The following PARD6G variants were observed in gnomAD, a reference collection of about 807,000 sequenced individuals.
PARD6G encodes the protein partitioning defective 6 homolog gamma.
A neutral mutation model predicts 10.7 loss-of-function variants in PARD6G; 7 were observed. The observed-to-expected ratio is 0.66, with a 90% CI of 0.37 to 1.23. PARD6G has a LOEUF of 1.23. Ranked by LOEUF, PARD6G falls within the 50% of genes most tolerant of loss-of-function variation. PARD6G has a pLI of 0.02. For missense variants in PARD6G, 548 were observed against 571.8 expected, an observed-to-expected ratio of 0.96 and a Z score of 0.42; for synonymous variants, 287 against 269.4, an observed-to-expected ratio of 1.07 and a Z score of -0.64.
At chr18:80,199,400 G>A (rs1308547178) in intron 2 of PARD6G, among the ~76,000 whole-genome samples, 5 of 152,156 alleles carry the variant, frequency 3.3e-5, no homozygotes, top group African/African-American at 2.4e-5. Flanking sequence ...AGACACACAC[G>A]CACATGCGCA....
intron 1 of PARD6G, among the ~76,000 whole-genome samples, chr18:80,211,858 T>A (rs1967112020): frequency 6.6e-6 from 1 of 152,092 alleles, no homozygotes; most frequent in East Asian, 1.9e-4. Context: ...TACTCGAAAT[T>A]TTATCACAGA....
At position 80,201,213 on chromosome 18, in the gene PARD6G, C is replaced by T. The variant is rs753905416; in HGVS notation, c.295+1497G>A. ...AGAGGGGAACACGGGCTCATCAGATCAAGCAGCTGAGACCAGGCCTTCCTG... is the reference window on the plus strand; with the variant it reads ...AGAGGGGAACACGGGCTCATCAGATTAAGCAGCTGAGACCAGGCCTTCCTG... On this transcript the variant is annotated intron_variant, in intron 2 of 2. Coordinates refer to ENST00000353265, the MANE Select transcript of PARD6G (RefSeq NM_032510.4). This position sits in a 1 kb window ranked among gnomAD's most constrained non-coding sequence, Gnocchi z 5.9. Among the ~76,000 whole-genome samples, 60 of 152,290 alleles carry T rather than the reference C, an allele frequency of 3.9e-4. No homozygotes were observed. The highest frequency in any genetic ancestry group is 6.6e-4 in the Non-Finnish European group (45 of 68,024).
Position 80,192,090 on chromosome 18 carries a change from C to T in PARD6G, c.295+10620G>A, listed in dbSNP as rs1221405506. Among the ~76,000 whole-genome samples, 2 of 152,208 alleles carry T rather than the reference C, an allele frequency of 1.3e-5. No homozygotes were observed. The highest frequency in any genetic ancestry group is 2.9e-5 in the Non-Finnish European group (2 of 68,042). ...TGTACAAGAAGGTCAGCGTTAACCACAAGAAGTTTCCATTTGATCATTAAG... is the reference window on the plus strand; with the variant it reads ...TGTACAAGAAGGTCAGCGTTAACCATAAGAAGTTTCCATTTGATCATTAAG... On this transcript the variant is annotated intron_variant, in intron 2 of 2. Coordinates refer to ENST00000353265, the MANE Select transcript of PARD6G (RefSeq NM_032510.4). This position sits in a 1 kb window ranked among gnomAD's most constrained non-coding sequence, Gnocchi z 4.9.
intron 1 of PARD6G, among the ~76,000 whole-genome samples, chr18:80,240,613 C>T (rs72980382): frequency 0.033 from 5,092 of 152,210 alleles, 121 homozygotes; most frequent in Non-Finnish European, 0.052. Flanking sequence ...GGGACTGGAC[C>T]CTACCTGCTT....
At chr18:80,226,948 C>T (rs1259235060) in intron 1 of PARD6G, among the ~76,000 whole-genome samples, 3 of 152,140 alleles carry the variant, frequency 2.0e-5, no homozygotes, top group African/African-American at 7.2e-5. Flanking sequence ...ATGAATTAAA[C>T]CTGTTGACCA....
In PARD6G at chr18:80,181,292, CAGCCA is replaced by C. The variant is rs1269373896; in HGVS notation, c.296-20691_296-20687del. Among the ~76,000 whole-genome samples, 1 of 152,148 alleles carries C rather than the reference CAGCCA, an allele frequency of 6.6e-6. No homozygotes were observed. ...AGGTGGTGTCTGTCCCCTGGTCCCTCAGCCAAGTCAGCCGATGTCCCCAGCTGGGA... is the reference window on the plus strand; with the variant it reads ...AGGTGGTGTCTGTCCCCTGGTCCCTCAGTCAGCCGATGTCCCCAGCTGGGA... On this transcript the variant is annotated intron_variant, in intron 2 of 2. Coordinates refer to ENST00000353265, the MANE Select transcript of PARD6G (RefSeq NM_032510.4). This position sits in a 1 kb window ranked among gnomAD's most constrained non-coding sequence, Gnocchi z 7.9.
chr18:80,173,623 TA>T (rs11339303), intron 2 of PARD6G, among the ~76,000 whole-genome samples: 33,722 of 147,596 alleles, frequency 0.23, 5,201 homozygotes, highest in African/African-American at 0.45. Context: ...AGACTTCATC[TA>T]AAAAAAAAAG....
In PARD6G at chr18:80,202,986, T is replaced by C. The variant is rs1467329917; in HGVS notation, c.73-54A>G. The C allele has an allele frequency of 1.3e-5, 9 of 709,496 alleles. No individual in the cohort carries two copies. The African/African-American group carries it at 1.6e-4, about 12-fold the overall frequency. 44.0% of individuals were successfully genotyped at this position (709,496 alleles called of 1,614,324 possible). The stretch of plus-strand genomic sequence containing the variant: ...GGGGCATTAATAAATACCAGAGAAA[T>C]ATCCAGAAATAAGGTGTGGTTAGTG... On this transcript the variant is annotated intron_variant, in intron 1 of 2. Coordinates refer to ENST00000353265, the MANE Select transcript of PARD6G (RefSeq NM_032510.4).
intron 1 of PARD6G, among the ~76,000 whole-genome samples, chr18:80,206,083 G>A (rs4798947): frequency 6.6e-6 from 1 of 151,998 alleles, no homozygotes; most frequent in Non-Finnish European, 1.5e-5. Flanking sequence ...ACACATCTCA[G>A]TTTCTCAGTA....
rs185745088 is a variant in PARD6G, at chr18:80,189,687, C to T, written c.295+13023G>A. ...CTCTGGACAAAAACAGCTTCAAGCA[C>T]GTCCCCTGGGAGTCCCCCGTCCGTC... On this transcript the variant is annotated intron_variant, in intron 2 of 2. Coordinates refer to ENST00000353265, the MANE Select transcript of PARD6G (RefSeq NM_032510.4). This position sits in a 1 kb window ranked among gnomAD's most constrained non-coding sequence, Gnocchi z 5.5. Among the ~76,000 whole-genome samples, 6 of 152,240 alleles carry T rather than the reference C, an allele frequency of 3.9e-5. No homozygotes were observed. In the East Asian group the frequency reaches 5.8e-4, roughly 15 times the overall value.
intron 1 of PARD6G, among the ~76,000 whole-genome samples, chr18:80,218,912 C>T (rs148200028): frequency 2.1e-3 from 323 of 152,350 alleles, no homozygotes; most frequent in Middle Eastern, 6.8e-3. Context: ...GGGGACTGCA[C>T]CATCTGAAGC....
chr18:80,243,046 A>T (rs1967506990), intron 1 of PARD6G, among the ~76,000 whole-genome samples: 1 of 152,210 alleles, frequency 6.6e-6, no homozygotes, highest in East Asian at 1.9e-4. Context: ...AGGTGATGTC[A>T]CTTCCAGGAA....
At chr18:80,195,135 C>A (rs1255848134) in intron 2 of PARD6G, among the ~76,000 whole-genome samples, 1 of 152,196 alleles carries the variant, frequency 6.6e-6, no homozygotes, top group African/African-American at 2.4e-5. Context: ...TTCCATCAAA[C>A]TGCACCCACA....
At chr18:80,179,964 G>A (rs1295888153) in intron 2 of PARD6G, among the ~76,000 whole-genome samples, 3 of 152,252 alleles carry the variant, frequency 2.0e-5, no homozygotes, top group Non-Finnish European at 4.4e-5. Flanking sequence ...GGGGCACCCA[G>A]CTGCCAAGAG....
rs893587303 is a variant in PARD6G, at chr18:80,192,838, C to A, written c.295+9872G>T. 5.9e-5 allele frequency among the ~76,000 whole-genome samples: 9 copies of A among 152,110 alleles called. No homozygotes were observed. Among genetic ancestry groups the A allele is most frequent in the African/African-American group, 2.2e-4 (9 of 41,420 alleles). ...TGGCTCGCCGGCCGTGGGAGCTGGG[C>A]TGTCAGTCCTCCCCTCACTCCTGTG... On this transcript the variant is annotated intron_variant, in intron 2 of 2. Transcript: ENST00000353265. This position sits in a 1 kb window ranked among gnomAD's most constrained non-coding sequence, Gnocchi z 4.9.
rs911931511 is a variant in PARD6G, at chr18:80,231,450, G to A, written c.72+15827C>T. ...CCGAGCTGTGCTGCCCACTGGGAGC[G>A]GCTGAGGGGATGCAGGCTGGGTCAC... On this transcript the variant is annotated intron_variant, in intron 1 of 2. Transcript: ENST00000353265. The surrounding 1 kb of genome is among the most constrained non-coding windows in gnomAD (Gnocchi z 4.2). Among the ~76,000 whole-genome samples the A allele has an allele frequency of 7.9e-5, 12 of 152,152 alleles. No individual in the cohort carries two copies. Among genetic ancestry groups the A allele is most frequent in the South Asian group, 2.1e-4 (1 of 4,828 alleles).
At chr18:80,190,416 C>A (rs780991764) in intron 2 of PARD6G, among the ~76,000 whole-genome samples, 4 of 152,194 alleles carry the variant, frequency 2.6e-5, no homozygotes, top group Non-Finnish European at 4.4e-5. Flanking sequence ...TCCCAGTGGG[C>A]ACTCTGCAGT....
intron 1 of PARD6G, among the ~76,000 whole-genome samples, chr18:80,225,454 T>C: frequency 6.6e-6 from 1 of 152,276 alleles, no homozygotes; most frequent in East Asian, 1.9e-4. Flanking sequence ...ACTTGGGAGA[T>C]GTAGCATCCC....
intron 1 of PARD6G, among the ~76,000 whole-genome samples, chr18:80,204,649 A>G (rs1306790487): frequency 1.3e-5 from 2 of 152,082 alleles, no homozygotes; most frequent in Admixed American, 6.6e-5. Flanking sequence ...CAATGGGACA[A>G]TTCAAAATAC....
Sources: gnomAD v4.1 joint callset for allele counts (sites outside exome capture counted in the v4.1 genomes callset) on GRCh38, gnomAD v4.1.1 for gene constraint, Gnocchi (gnomAD v3.1) non-coding constraint, MANE v1.5 for transcripts, NCBI Gene and HGNC (gene_info 2026-07-23, HGNC 2026-07-21) for gene names.